The following SYT16 variants were observed in gnomAD, a reference collection of about 807,000 sequenced individuals.
The protein encoded by SYT16 is synaptotagmin 16.
Under a neutral mutation model 61.4 loss-of-function variants are expected in SYT16, and 42 were observed. The ratio of observed to expected loss-of-function variants is 0.68; its 90% CI spans 0.53 to 0.89. The LOEUF (loss-of-function observed/expected upper bound fraction) is 0.89, where lower values mean the gene tolerates loss of function less well. SYT16 is among the 40% of genes least tolerant of loss of function. The pLI is 0.00. For synonymous variants in SYT16, 314 were observed against 302.3 expected, an observed-to-expected ratio of 1.04 and a Z score of -0.40; for missense variants, 804 against 807.3, an observed-to-expected ratio of 1.00 and a Z score of 0.05.
intron 1 of SYT16, among the ~76,000 whole-genome samples, chr14:61,838,596 A>G (rs572700546): frequency 1.3e-5 from 2 of 152,340 alleles, no homozygotes; most frequent in African/African-American, 2.4e-5. Context: ...TCTGGAGAAT[A>G]TTCCTGTCCT....
chr14:61,851,869 C>T (rs1344562876), intron 1 of SYT16, among the ~76,000 whole-genome samples: 2 of 152,048 alleles, frequency 1.3e-5, no homozygotes, highest in Non-Finnish European at 2.9e-5. Flanking sequence ...TTATCTCTTC[C>T]CTCTGATAAT....
chr14:62,044,261 A>T (rs2054870418), intron 3 of SYT16, among the ~76,000 whole-genome samples: 1 of 151,534 alleles, frequency 6.6e-6, no homozygotes, highest in South Asian at 2.1e-4. Flanking sequence ...TCAAAACTTG[A>T]CTATATAGAG....
chr14:61,951,627 C>G (rs898519465), intron 1 of SYT16, among the ~76,000 whole-genome samples: 3 of 152,074 alleles, frequency 2.0e-5, no homozygotes, highest in African/African-American at 7.2e-5. Context: ...CTCTCAATCT[C>G]TCTCATTTGT....
intron 7 of SYT16, among the ~76,000 whole-genome samples, chr14:62,086,316 A>C (rs977034947): frequency 6.6e-6 from 1 of 152,142 alleles, no homozygotes; most frequent in Non-Finnish European, 1.5e-5. Context: ...CCAGCTCTAC[A>C]GAAAATAATA....
chr14:61,937,986 C>T (rs947809008), intron 1 of SYT16, among the ~76,000 whole-genome samples: 2 of 141,658 alleles, frequency 1.4e-5, no homozygotes, highest in Non-Finnish European at 1.5e-5. Flanking sequence ...TTTTAACTTT[C>T]ATCTGAGGCC....
chr14:62,063,891 T>C (rs1049087315), intron 3 of SYT16, among the ~76,000 whole-genome samples: 3 of 152,200 alleles, frequency 2.0e-5, no homozygotes, highest in African/African-American at 7.2e-5. Context: ...GGAGTACATG[T>C]ATCAGAAAGA....
chr14:61,873,363 C>A (rs559366276), intron 1 of SYT16, among the ~76,000 whole-genome samples: 1 of 152,246 alleles, frequency 6.6e-6, no homozygotes, highest in Non-Finnish European at 1.5e-5. Flanking sequence ...CCTGGTTCAT[C>A]TCAGGCCTCT....
At chr14:62,039,875 A>ACACACACACG (rs1390417627) in intron 3 of SYT16, among the ~76,000 whole-genome samples, 25 of 105,482 alleles carry the variant, frequency 2.4e-4, no homozygotes, top group Admixed American at 1.8e-3. Context: ...ACACACACAC[A>ACACACACACG]CACGCACATA....
chr14:62,026,050 G>C (rs1289972260), intron 3 of SYT16, among the ~76,000 whole-genome samples: 2 of 152,154 alleles, frequency 1.3e-5, no homozygotes, highest in East Asian at 3.9e-4. Context: ...TAAAAAATTA[G>C]GTAGCTTTTC....
chr14:62,055,642 T>A (rs1456176079), intron 3 of SYT16, among the ~76,000 whole-genome samples: 1 of 152,178 alleles, frequency 6.6e-6, no homozygotes, highest in Non-Finnish European at 1.5e-5. Context: ...GAGCCCTTGA[T>A]ATAGGGTGGA....
At chr14:61,891,912 G>C (rs189170578) in intron 1 of SYT16, among the ~76,000 whole-genome samples, 83 of 152,154 alleles carry the variant, frequency 5.5e-4, no homozygotes, top group African/African-American at 1.9e-3. Flanking sequence ...AGGTTGTTTT[G>C]GAAAATATAA....
chr14:61,828,221 A>G (rs1406781337), intron 1 of SYT16, among the ~76,000 whole-genome samples: 1 of 152,188 alleles, frequency 6.6e-6, no homozygotes, highest in Non-Finnish European at 1.5e-5. Flanking sequence ...TTATTGTTTA[A>G]ACCCCACAGT....
intron 1 of SYT16, among the ~76,000 whole-genome samples, chr14:61,958,173 T>C (rs2050959088): frequency 6.6e-6 from 1 of 151,764 alleles, no homozygotes; most frequent in Admixed American, 6.6e-5. Flanking sequence ...CCCTTTTTTT[T>C]CTTAATTCAG....
chr14:61,865,580 G>A (rs2047122891), intron 1 of SYT16, among the ~76,000 whole-genome samples: 1 of 152,240 alleles, frequency 6.6e-6, no homozygotes, highest in South Asian at 2.1e-4. Context: ...GGAAAGATGT[G>A]GATTGCCGTA....
chr14:62,000,099 ATTT>A, intron 3 of SYT16, among the ~76,000 whole-genome samples: 48 of 18,948 alleles, frequency 2.5e-3, no homozygotes, highest in Non-Finnish European at 3.3e-3. Flanking sequence ...TTGTCTCTCG[ATTT>A]TTTTTTTTTT....
At chr14:61,857,950 A>G (rs759587195) in intron 1 of SYT16, among the ~76,000 whole-genome samples, 5 of 152,084 alleles carry the variant, frequency 3.3e-5, no homozygotes, top group African/African-American at 4.8e-5. Context: ...AGCAGACAGC[A>G]TCAGTGGATA....
chr14:62,097,670 G>A (rs916052329), intron 7 of SYT16, among the ~76,000 whole-genome samples: 1 of 152,142 alleles, frequency 6.6e-6, no homozygotes, highest in African/African-American at 2.4e-5. Context: ...TTGCTTTTAA[G>A]ATTATTATTA....
chr14:62,084,936 G>C (rs2056836384), intron 7 of SYT16, among the ~76,000 whole-genome samples: 1 of 152,194 alleles, frequency 6.6e-6, no homozygotes, highest in African/African-American at 2.4e-5. Context: ...CTATCACATA[G>C]TGAATGCACA....
At chr14:61,818,652 T>C (rs934863839) in intron 1 of SYT16, among the ~76,000 whole-genome samples, 6 of 140,632 alleles carry the variant, frequency 4.3e-5, no homozygotes, top group Non-Finnish European at 7.5e-5. Context: ...CACTCCAGCC[T>C]GGGAGACACA....
Sources: allele counts gnomAD v4.1 joint callset (sites outside exome capture counted in the v4.1 genomes callset), GRCh38; gene constraint gnomAD v4.1.1; transcripts MANE v1.5; gene names NCBI Gene and HGNC (gene_info 2026-07-23, HGNC 2026-07-21).